UBE2T: variants seen among roughly 807,000 people sequenced by gnomAD.
UBE2T encodes ubiquitin conjugating enzyme E2 T.
UBE2T carries 15 observed loss-of-function variants against 23.3 expected under a neutral mutation model. The observed-to-expected ratio is 0.64, with a 90% CI of 0.43 to 0.99. The LOEUF is 0.99. Ranked by LOEUF, UBE2T falls within the 50% of genes least tolerant of loss-of-function variation. UBE2T has a pLI of 0.00. For synonymous variants in UBE2T, 67 were observed against 78.4 expected, an observed-to-expected ratio of 0.85 and a Z score of 0.77; for missense variants, 197 against 234.9, an observed-to-expected ratio of 0.84 and a Z score of 1.05.
intron 3 of UBE2T, among the ~76,000 whole-genome samples, chr1:202,334,047 G>C (rs1654827297): frequency 6.6e-6 from 1 of 151,938 alleles, no homozygotes; most frequent in Non-Finnish European, 1.5e-5. Flanking sequence ...TCTATTTTTA[G>C]AACTGATGCA....
chr1:202,331,730 C>T lies in UBE2T; in HGVS notation c.*105G>A. ...ACATATGTACAAGATAAATAAACTA[C>T]ACAAAAATTATGTCATCAAATATAT... On this transcript the variant is annotated 3_prime_UTR_variant, in exon 7 of 7. Transcript: ENST00000646651. 2.9e-6 allele frequency: 4 copies of T among 1,392,462 alleles called. No individual in the cohort carries two copies. Among genetic ancestry groups the T allele is most frequent in the Non-Finnish European group, 3.9e-6 (4 of 1,014,528 alleles). 86.3% of individuals were successfully genotyped at this position (1,392,462 alleles called of 1,614,324 possible).
chr1:202,333,525 A>G lies in UBE2T; in HGVS notation c.210T>C (p.Phe70=). The change falls in exon 4 of 7, where the codon TTT becomes TTC. Residue 70 remains phenylalanine (F), a synonymous_variant. Transcript: ENST00000646651. ...RYPFEPPQIR[F]LTPIYHPNID... is the part of the protein sequence containing the mutation. Reference sequence around the variant, plus strand: ...TGTTTGGATGATAAATTGGAGTGAGAAATCGGATCTGAGGAGGTTCAAATG... The same window carrying G: ...TGTTTGGATGATAAATTGGAGTGAGGAATCGGATCTGAGGAGGTTCAAATG... The G allele has an allele frequency of 6.2e-6, 10 of 1,614,168 alleles. No homozygotes were observed. The highest frequency in any genetic ancestry group is 7.6e-6 in the Non-Finnish European group (9 of 1,180,018).
chr1:202,340,637 G>A (rs1255802770), intron 1 of UBE2T, among the ~76,000 whole-genome samples: 1 of 152,182 alleles, frequency 6.6e-6, no homozygotes, highest in Non-Finnish European at 1.5e-5. Flanking sequence ...TTTATATCTG[G>A]GACTTGACCT....
At chr1:202,341,526 C>A (rs368077919) in intron 1 of UBE2T, among the ~76,000 whole-genome samples, 52 of 127,114 alleles carry the variant, frequency 4.1e-4, no homozygotes, top group African/African-American at 1.5e-3. Flanking sequence ...TGCAGTGAGC[C>A]GAGATCCCGC....
chr1:202,333,146 G>T, intron 5 of UBE2T, 53 bp from the exon 6 acceptor site: 1 of 1,600,978 alleles, frequency 6.2e-7, no homozygotes, highest in South Asian at 1.1e-5. Context: ...ATTTGCAGTG[G>T]TTAGAGCTGC....
At chr1:202,336,825 T>C (rs574816209) in intron 1 of UBE2T, among the ~76,000 whole-genome samples, 1 of 152,316 alleles carries the variant, frequency 6.6e-6, no homozygotes, top group South Asian at 2.1e-4. Context: ...TCCATCTTTC[T>C]TACCCTCAAT....
rs376507405 is a variant in UBE2T, at chr1:202,333,368, A to G, written c.286-33T>C. 6.8e-6 allele frequency: 11 copies of G among 1,613,736 alleles called. No individual in the cohort carries two copies. In the African/African-American group the frequency reaches 1.5e-4, roughly 22 times the overall value. Reference sequence around the variant, plus strand: ...CAAACAGATGAACAGTTGCTTTTATATTAGAATGTGATCCTCTAATTCAAG... The same window carrying G: ...CAAACAGATGAACAGTTGCTTTTATGTTAGAATGTGATCCTCTAATTCAAG... On this transcript the variant is annotated intron_variant, in intron 4 of 6. Transcript: ENST00000646651.
At chr1:202,339,645 A>G (rs550525016) in intron 1 of UBE2T, among the ~76,000 whole-genome samples, 15 of 150,462 alleles carry the variant, frequency 1.0e-4, no homozygotes, top group Admixed American at 5.3e-4. Context: ...AACACGTACT[A>G]TACATTTTTT....
At chr1:202,334,022 T>A (rs1654826563) in intron 3 of UBE2T, among the ~76,000 whole-genome samples, 1 of 152,156 alleles carries the variant, frequency 6.6e-6, no homozygotes, top group Admixed American at 6.5e-5. Context: ...GACACCGACC[T>A]TGCAAAGTTC....
chr1:202,333,110 GA>G lies in UBE2T; in HGVS notation c.385-18del. 1.2e-6 allele frequency: 2 copies of G among 1,611,094 alleles called. No individual in the cohort carries two copies. The highest frequency in any genetic ancestry group is 2.2e-5 in the East Asian group (1 of 44,870). Reference sequence around the variant, plus strand: ...TTCTGAGGACTGAGATGAAATCAAAGAAAAGAGTTAATGGAGAAAAACATGA... The same window carrying G: ...TTCTGAGGACTGAGATGAAATCAAAGAAAGAGTTAATGGAGAAAAACATGA... On this transcript the variant is annotated intron_variant, in intron 5 of 6. Coordinates refer to ENST00000646651, the MANE Select transcript of UBE2T (RefSeq NM_014176.4).
At position 202,331,671 on chromosome 1, in the gene UBE2T, CTA is replaced by C. The variant is rs1654746535; in HGVS notation, c.*162_*163del. ...TAAACACATACTCAACATTAAATGA[CTA>C]TTTATTTTTCAGGTTTAAAAGATTT... On this transcript the variant is annotated 3_prime_UTR_variant, in exon 7 of 7. Transcript: ENST00000646651. 3.6e-6 allele frequency: 3 copies of C among 830,338 alleles called. No individual in the cohort carries two copies. The highest frequency in any genetic ancestry group is 2.7e-5 in the Admixed American group (1 of 37,616). 51.4% of individuals were successfully genotyped at this position (830,338 alleles called of 1,614,324 possible).
chr1:202,336,718 T>C (rs2148341240), intron 1 of UBE2T, among the ~76,000 whole-genome samples: 1 of 152,276 alleles, frequency 6.6e-6, no homozygotes, highest in East Asian at 1.9e-4. Flanking sequence ...TAGTCAACAT[T>C]CTCAGGTACA....
At chr1:202,336,662 T>C (rs1654891771) in intron 1 of UBE2T, among the ~76,000 whole-genome samples, 1 of 152,168 alleles carries the variant, frequency 6.6e-6, no homozygotes. Context: ...TATTTGCTGT[T>C]GTGAGGAAGT....
rs200525550 is a variant in UBE2T, at chr1:202,333,529, C to T, written c.206G>A (p.Arg69Gln). 6.2e-7 allele frequency: 1 copy of T among 1,614,036 alleles called. No homozygotes were observed. Among genetic ancestry groups the T allele is most frequent in the South Asian group, 1.1e-5 (1 of 91,062 alleles). The change falls in exon 4 of 7, where the codon CGA becomes CAA. Residue 69 changes from arginine to glutamine, a missense_variant. Coordinates refer to ENST00000646651, the MANE Select transcript of UBE2T (RefSeq NM_014176.4). ...ERYPFEPPQI[R>Q]FLTPIYHPNI... ...TGGATGATAAATTGGAGTGAGAAAT[C>T]GGATCTGAGGAGGTTCAAATGGGTA... is the stretch of plus-strand genomic sequence containing the variant.
intron 3 of UBE2T, among the ~76,000 whole-genome samples, chr1:202,334,103 C>A (rs1654828978): frequency 6.6e-6 from 1 of 152,136 alleles, no homozygotes; most frequent in Admixed American, 6.6e-5. Context: ...ACAAGTTTGG[C>A]CAGGATCTGA....
Position 202,333,078 on chromosome 1 carries a change from A to T in UBE2T, c.400T>A (p.Tyr134Asn), listed in dbSNP as rs753338256. 6 of 1,613,786 alleles carry T rather than the reference A, an allele frequency of 3.7e-6. No individual in the cohort carries two copies. Among genetic ancestry groups the T allele is most frequent in the Admixed American group, 1.7e-5 (1 of 60,004 alleles). ...TTCTTGAGGAAGGCTGGCTTATTAT[A>T]TTTAAATTCTGAGGACTGAGATGAA... ...LMADISSEFKYNKPAFLKNAR... is the reference protein window; with the variant it reads ...LMADISSEFKNNKPAFLKNAR... The change falls in exon 6 of 7, where the codon TAT (tyrosine) becomes AAT (asparagine). Residue 134 changes from tyrosine to asparagine, a missense_variant. Tyr to Asn is a moderately radical substitution (Grantham distance 143, BLOSUM62 -2). Transcript: ENST00000646651.
chr1:202,339,612 A>G (rs964620641), intron 1 of UBE2T, among the ~76,000 whole-genome samples: 1 of 151,790 alleles, frequency 6.6e-6, no homozygotes, highest in Non-Finnish European at 1.5e-5. Context: ...AAAAAAAAAA[A>G]AAAAAAAAAA....
At position 202,334,996 on chromosome 1, in the gene UBE2T, G is replaced by C. The variant is rs147122531; in HGVS notation, c.172C>G (p.Pro58Ala). The change falls in exon 3 of 7, where the codon CCT becomes GCT. Residue 58 changes from proline to alanine, a missense_variant. Pro to Ala is a conservative substitution (Grantham distance 27). Transcript: ENST00000646651. ...AAGCTGATTCATACTAACCTCTCAGGAATGATAACTTCTAGCTTAAAAACA... is the reference window on the plus strand; with the variant it reads ...AAGCTGATTCATACTAACCTCTCAGCAATGATAACTTCTAGCTTAAAAACA... ...KGVFKLEVII[P>A]ERYPFEPPQI... 893 of 1,612,418 alleles carry C rather than the reference G, an allele frequency of 5.5e-4. No individual in the cohort carries two copies. Among genetic ancestry groups the C allele is most frequent in the Non-Finnish European group, 7.3e-4 (859 of 1,179,154 alleles).
At chr1:202,337,597 T>C (rs1332671068) in intron 1 of UBE2T, among the ~76,000 whole-genome samples, 2 of 152,202 alleles carry the variant, frequency 1.3e-5, no homozygotes, top group Non-Finnish European at 2.9e-5. Context: ...CTGCTGATAT[T>C]ACTATAAATT....
Sources: allele counts gnomAD v4.1 joint callset (sites outside exome capture counted in the v4.1 genomes callset), GRCh38; gene constraint gnomAD v4.1.1; transcripts MANE v1.5; gene names NCBI Gene and HGNC (gene_info 2026-07-23, HGNC 2026-07-21).